TGIF1: variants seen among roughly 807,000 people sequenced by gnomAD.
TGIF1 encodes homeobox protein TGIF1.
In TGIF1, 4 loss-of-function variants were observed where a neutral mutation model predicts 19.3. The ratio of observed to expected loss-of-function variants is 0.21; its 90% confidence interval spans 0.10 to 0.47. The LOEUF (loss-of-function observed/expected upper bound fraction) is 0.47. Ranked by LOEUF, TGIF1 falls within the 20% of genes least tolerant of loss-of-function variation. TGIF1 has a pLI of 0.98. For missense variants in TGIF1, 275 were observed against 341.4 expected (o/e 0.81, Z 1.53); for synonymous variants, 122 against 129.3 (o/e 0.94, Z 0.38).
chr18:3,457,386 G>A lies in TGIF1; in HGVS notation c.265G>A (p.Ala89Thr). The A allele has an allele frequency of 1.2e-6, 2 of 1,614,164 alleles. No individual in the cohort carries two copies. Among genetic ancestry groups the A allele is most frequent in the Non-Finnish European group, 1.7e-6 (2 of 1,180,038 alleles). ...TCAGGTCTGTAACTGGTTCATCAAC[G>A]CCCGCCGCAGGCTCCTCCCTGACAT... ...TLQVCNWFIN[A>T]RRRLLPDMLR... The change falls in exon 3 of 3, where the codon GCC becomes ACC. Residue 89 changes from alanine to threonine, a missense_variant. Physicochemically the swap from Ala to Thr is moderately conservative, Grantham distance 58. Transcript: ENST00000343820. The surrounding 1 kb of genome is among the most constrained non-coding windows in gnomAD (Gnocchi z 4.9).
chr18:3,432,386 G>A (rs12606911), intron 2 of TGIF1, among the ~76,000 whole-genome samples: 78,466 of 152,048 alleles, frequency 0.52, 21,770 homozygotes, highest in East Asian at 0.91. Context: ...TCGGATCTTA[G>A]TCTGAAAATT....
upstream of TGIF1, chr18:3,448,692 C>A: frequency 1.1e-6 from 1 of 896,422 alleles, no homozygotes; most frequent in Non-Finnish European, 1.3e-6. Flanking sequence ...ACTCTGGCCT[C>A]CACGCATTCT....
In TGIF1 at chr18:3,451,527, C is replaced by G. The variant is rs1384326023; in HGVS notation, c.16+1022C>G. 4 of 1,001,748 alleles carry G rather than the reference C, an allele frequency of 4.0e-6. No individual in the cohort carries two copies. Among genetic ancestry groups the G allele is most frequent in the Non-Finnish European group, 4.8e-6 (4 of 841,750 alleles). 62.1% of individuals were successfully genotyped at this position (1,001,748 alleles called of 1,614,324 possible). A position where few individuals can be genotyped will look rare whatever the true frequency, so the allele number is the denominator to read the frequency against. Reference sequence around the variant, plus strand: ...TGGTTCAAAACAGAAGTTAATCACTCGGGAAGCGGACGGGAGGGGCGGCGC... The same window carrying G: ...TGGTTCAAAACAGAAGTTAATCACTGGGGAAGCGGACGGGAGGGGCGGCGC... On this transcript the variant is annotated intron_variant, in intron 1 of 2. Transcript: ENST00000343820. The surrounding 1 kb of genome is among the most constrained non-coding windows in gnomAD (Gnocchi z 5.4).
At chr18:3,423,371 C>A (rs568430952) in intron 2 of TGIF1, among the ~76,000 whole-genome samples, 6 of 152,134 alleles carry the variant, frequency 3.9e-5, no homozygotes, top group African/African-American at 9.6e-5. Context: ...CATAGTGAGA[C>A]CCCGTCTCTA....
At chr18:3,445,768 A>C (rs1568041693), upstream of TGIF1, among the ~76,000 whole-genome samples, 1 of 131,664 alleles carries the variant, frequency 7.6e-6, no homozygotes, top group African/African-American at 2.9e-5. Flanking sequence ...AGAAAAGCAA[A>C]AAAAAAAAAA....
chr18:3,455,373 T>G (rs952814075), intron 1 of TGIF1: 1 of 152,240 alleles, frequency 6.6e-6, no homozygotes, highest in Non-Finnish European at 1.5e-5. Context: ...GATTTAAATA[T>G]TCTCTATGGC....
intron 1 of TGIF1, among the ~76,000 whole-genome samples, chr18:3,413,951 T>C (rs1476802726): frequency 3.3e-5 from 5 of 152,248 alleles, no homozygotes; most frequent in Non-Finnish European, 5.9e-5. Flanking sequence ...CAGCAAATCT[T>C]CACAATAATC....
At chr18:3,419,018 A>G (rs1165872475) in intron 2 of TGIF1, among the ~76,000 whole-genome samples, 1 of 152,234 alleles carries the variant, frequency 6.6e-6, no homozygotes, top group Non-Finnish European at 1.5e-5. Flanking sequence ...AGATCGTGCC[A>G]TTACACTCCA....
In TGIF1 at chr18:3,457,387, C is replaced by G; in HGVS notation, c.266C>G (p.Ala89Gly). Residue 89 changes from alanine to glycine, a missense_variant, in exon 3 of 3, where the codon GCC (alanine) becomes GGC (glycine). Ala to Gly is a moderately conservative substitution (Grantham distance 60). Transcript: ENST00000343820. This position sits in a 1 kb window ranked among gnomAD's most constrained non-coding sequence, Gnocchi z 4.9. ...CAGGTCTGTAACTGGTTCATCAACG[C>G]CCGCCGCAGGCTCCTCCCTGACATG... ...TLQVCNWFIN[A>G]RRRLLPDMLR... is the part of the protein sequence containing the mutation. The G allele has an allele frequency of 6.2e-7, 1 of 1,614,176 alleles. No individual in the cohort carries two copies.
chr18:3,450,044 G>C (rs2082850493), upstream of TGIF1: 4 of 994,200 alleles, frequency 4.0e-6, no homozygotes, highest in East Asian at 1.1e-4. Flanking sequence ...CGGCCGCCGC[G>C]CTCGGTCCAG....
intron 2 of TGIF1, among the ~76,000 whole-genome samples, chr18:3,427,826 T>G (rs1032176791): frequency 6.6e-6 from 1 of 152,126 alleles, no homozygotes; most frequent in Non-Finnish European, 1.5e-5. Flanking sequence ...TCTCGAACTC[T>G]TGACTGCAGG....
At chr18:3,430,671 ATTTTTT>A (rs759165103) in intron 2 of TGIF1, among the ~76,000 whole-genome samples, 1 of 130,356 alleles carries the variant, frequency 7.7e-6, no homozygotes, top group East Asian at 2.2e-4. Flanking sequence ...CACCCGGCTA[ATTTTTT>A]TTTTTTTTTT....
chr18:3,448,047 T>C (rs1310892555), upstream of TGIF1: 2 of 984,330 alleles, frequency 2.0e-6, no homozygotes, highest in East Asian at 2.3e-4. Context: ...AGGGAAACAT[T>C]TTTGTCTCGA....
At position 3,450,370 on chromosome 18, in the gene TGIF1, G is replaced by C. The variant is rs2082865937; in HGVS notation, c.-120G>C. ...GTCCTGTTTAGCAATAACGGCTGGA[G>C]CACGTCCTACAAGTTACGGGAGAGT... On this transcript the variant is annotated 5_prime_UTR_variant, in exon 1 of 3. Coordinates refer to ENST00000343820, the MANE Select transcript of TGIF1 (RefSeq NM_003244.4). The C allele has an allele frequency of 3.3e-6, 5 of 1,528,762 alleles. No homozygotes were observed. The African/African-American group carries it at 6.9e-5, about 21-fold the overall frequency. The allele number at this position is 1,528,762 out of a possible 1,614,324, so 94.7% of individuals were successfully genotyped here.
intron 2 of TGIF1, among the ~76,000 whole-genome samples, chr18:3,440,624 C>A (rs1402710679): frequency 6.6e-6 from 1 of 152,178 alleles, no homozygotes; most frequent in Admixed American, 6.5e-5. Context: ...AGTCTAAACA[C>A]AACTGTGTCC....
chr18:3,426,406 C>A (rs371394515), intron 2 of TGIF1, among the ~76,000 whole-genome samples: 1 of 151,974 alleles, frequency 6.6e-6, no homozygotes, highest in African/African-American at 2.4e-5. Context: ...TGACCTCCAG[C>A]GATCCGCCTG....
rs999230291 is a variant in TGIF1, at chr18:3,451,998, C to T, written c.16+1493C>T. ...TTCGAGGATGGTTCTAGCGCAGAGC[C>T]GGGTGTCTGCCGGGGTGGGCTCCCC... is the stretch of plus-strand genomic sequence containing the variant. On this transcript the variant is annotated intron_variant, in intron 1 of 2. Transcript: ENST00000343820. This position sits in a 1 kb window ranked among gnomAD's most constrained non-coding sequence, Gnocchi z 5.4. 6 of 1,601,976 alleles carry T rather than the reference C, an allele frequency of 3.7e-6. No homozygotes were observed. The highest frequency in any genetic ancestry group is 2.7e-5 in the African/African-American group (2 of 74,852).
chr18:3,446,475 C>A (rs1016079981), upstream of TGIF1, among the ~76,000 whole-genome samples: 1 of 152,182 alleles, frequency 6.6e-6, no homozygotes, highest in East Asian at 1.9e-4. Context: ...TGAGCCACAG[C>A]GCCCTGCCTA....
At chr18:3,445,764 G>GAAAAAAA (rs1568041656), upstream of TGIF1, among the ~76,000 whole-genome samples, 8 of 24,126 alleles carry the variant, frequency 3.3e-4, no homozygotes, top group Non-Finnish European at 4.5e-4. Context: ...GAGAAGAAAA[G>GAAAAAAA]CAAAAAAAAA....
Sources: gnomAD v4.1 joint callset for allele counts (sites outside exome capture counted in the v4.1 genomes callset) on GRCh38, gnomAD v4.1.1 for gene constraint, Gnocchi (gnomAD v3.1) non-coding constraint, MANE v1.5 for transcripts, NCBI Gene and HGNC (gene_info 2026-07-23, HGNC 2026-07-21) for gene names.